The following MSN variants were observed in gnomAD, a reference collection of about 807,000 sequenced individuals.
MSN encodes epididymis luminal protein 70.
In MSN, 2 loss-of-function variants were observed where a neutral mutation model predicts 48.0. The ratio of observed to expected loss-of-function variants is 0.04; its 90% CI spans 0.02 to 0.13. The LOEUF is 0.13. Ranked by LOEUF, MSN falls within the 10% of genes least tolerant of loss-of-function variation. MSN has a pLI of 1.00. For synonymous variants in MSN, 146 were observed against 166.9 expected, an observed-to-expected ratio of 0.87 and a Z score of 0.97; for missense variants, 267 against 470.1, an observed-to-expected ratio of 0.57 and a Z score of 3.99.
chrX:65,593,432 A>G (rs1229758315), intron 1 of MSN: 2 of 112,643 alleles, frequency 1.8e-5, no homozygotes, highest in African/African-American at 6.5e-5. Flanking sequence ...AATATCCTTC[A>G]AAGTCTCCGT....
intron 1 of MSN, among the ~76,000 whole-genome samples, chrX:65,640,388 A>T (rs1273740519): frequency 3.6e-5 from 4 of 111,050 alleles, no homozygotes; most frequent in African/African-American, 1.3e-4. Flanking sequence ...AAAATAAATA[A>T]AAAAAAATTA....
At chrX:65,636,866 G>A (rs1409804565) in intron 1 of MSN, among the ~76,000 whole-genome samples, 3 of 102,370 alleles carry the variant, frequency 2.9e-5, no homozygotes, top group Non-Finnish European at 6.0e-5. Flanking sequence ...CGGATCACGA[G>A]GTCAGGAGAT....
chrX:65,731,056 C>T, intron 4 of MSN, 51 bp from the exon 5 acceptor site: 1 of 1,055,868 alleles, frequency 9.5e-7, no homozygotes, highest in Non-Finnish European at 1.3e-6. Context: ...CCCTTCTCTC[C>T]TGCACAGGGA....
chrX:65,629,069 C>CA (rs1246130053), intron 1 of MSN, among the ~76,000 whole-genome samples: 1,126 of 70,401 alleles, frequency 0.016, 4 homozygotes, highest in African/African-American at 0.029. Context: ...GACTCCATCT[C>CA]AAAAAAAAAA....
chrX:65,664,752 CTT>C (rs1406578094), upstream of MSN, among the ~76,000 whole-genome samples: 6 of 93,953 alleles, frequency 6.4e-5, no homozygotes, highest in Non-Finnish European at 6.4e-5. Flanking sequence ...TGCCCCCTTT[CTT>C]TTTTTTTTTT....
chrX:65,620,513 A>G (rs1480061350), intron 1 of MSN, among the ~76,000 whole-genome samples: 1 of 113,439 alleles, frequency 8.8e-6, no homozygotes, highest in Non-Finnish European at 1.9e-5. Flanking sequence ...CAGAAAGGGA[A>G]CTCCCTGACC....
intron 1 of MSN, among the ~76,000 whole-genome samples, chrX:65,689,153 T>G (rs1448021367): frequency 1.8e-5 from 2 of 111,819 alleles, no homozygotes; most frequent in Non-Finnish European, 3.8e-5. Context: ...TGCTCGTTTT[T>G]GGGCCATAGC....
At chrX:65,600,825 A>T (rs769467195) in intron 1 of MSN, 3 of 111,952 alleles carry the variant, frequency 2.7e-5, no homozygotes, top group Non-Finnish European at 3.8e-5. Flanking sequence ...AGAGACAGAG[A>T]TATGGAGTCC....
At chrX:65,661,872 A>C (rs2070826625) in intron 1 of MSN, among the ~76,000 whole-genome samples, 2 of 112,413 alleles carry the variant, frequency 1.8e-5, no homozygotes, top group Admixed American at 1.9e-4. Context: ...AAAATTAGCC[A>C]GGCATGGTGG....
chrX:65,737,408 C>G lies in MSN; in HGVS notation c.1251+70C>G. The G allele has an allele frequency of 3.6e-6, 4 of 1,106,904 alleles. No homozygotes were observed. The Admixed American group carries it at 1.2e-4, about 32-fold the overall frequency. 91.2% of individuals were successfully genotyped at this position (1,106,904 alleles called of 1,213,427 possible). On this transcript the variant is annotated intron_variant, in intron 10 of 12. Coordinates refer to ENST00000360270, the MANE Select transcript of MSN (RefSeq NM_002444.3). ...TCCTTGTCTGCCTACTTACTTATAGCTACTTTTGCTTACATGCTGGCTTTT... is the reference window on the plus strand; with the variant it reads ...TCCTTGTCTGCCTACTTACTTATAGGTACTTTTGCTTACATGCTGGCTTTT...
chrX:65,660,216 G>T (rs1371378396), intron 1 of MSN, among the ~76,000 whole-genome samples: 3 of 111,930 alleles, frequency 2.7e-5, no homozygotes, highest in Admixed American at 1.9e-4. Context: ...TTGGTGAAGT[G>T]GGGAGGAAGG....
intron 1 of MSN, among the ~76,000 whole-genome samples, chrX:65,603,649 G>A (rs778430706): frequency 8.9e-6 from 1 of 112,410 alleles, no homozygotes; most frequent in South Asian, 3.7e-4. Context: ...TGGCTACCAT[G>A]TTGGACAGGA....
At chrX:65,732,300 A>G (rs1181484031) in intron 6 of MSN, among the ~76,000 whole-genome samples, 1 of 112,275 alleles carries the variant, frequency 8.9e-6, no homozygotes. Context: ...GAAAAACAGA[A>G]CGTAAAATGT....
At chrX:65,674,141 G>A (rs927315639) in intron 1 of MSN, among the ~76,000 whole-genome samples, 3 of 111,595 alleles carry the variant, frequency 2.7e-5, no homozygotes, top group African/African-American at 6.5e-5. Flanking sequence ...GTGACGGGTG[G>A]TGGAAGGCAT....
upstream of MSN, among the ~76,000 whole-genome samples, chrX:65,663,433 C>A (rs1022052622): frequency 9.1e-6 from 1 of 110,497 alleles, no homozygotes; most frequent in Non-Finnish European, 1.9e-5. Flanking sequence ...GTCAGAATGA[C>A]TAGTATTAAA....
chrX:65,710,253 T>C (rs1431260002), intron 1 of MSN, among the ~76,000 whole-genome samples: 4 of 112,659 alleles, frequency 3.6e-5, no homozygotes, highest in Non-Finnish European at 1.9e-5. Context: ...TCTTCTATTA[T>C]GGCACTTTTC....
In MSN at chrX:65,741,662, A is replaced by T; in HGVS notation, c.*1769A>T. ...GCCACCACCCCCCACTCTGTGCCTG[A>T]CCTTGAGGAGTCTTGTGTGCATTGC... is the stretch of plus-strand genomic sequence containing the variant. On this transcript the variant is annotated 3_prime_UTR_variant, in exon 13 of 13. Coordinates refer to ENST00000360270, the MANE Select transcript of MSN (RefSeq NM_002444.3). The T allele has an allele frequency of 5.9e-6, 1 of 170,240 alleles. No homozygotes were observed. Among genetic ancestry groups the T allele is most frequent in the Non-Finnish European group, 1.1e-5 (1 of 88,418 alleles). The allele number at this position is 170,240 out of a possible 1,213,427, so 14.0% of individuals were successfully genotyped here. A position where few individuals can be genotyped will look rare whatever the true frequency, so the allele number is the denominator to read the frequency against.
chrX:65,662,502 A>C (rs1196407823), intron 1 of MSN, among the ~76,000 whole-genome samples: 2 of 112,215 alleles, frequency 1.8e-5, no homozygotes, highest in Admixed American at 9.5e-5. Context: ...TAACCATCTG[A>C]TCTTTGACGA....
At position 65,731,102 on chromosome X, in the gene MSN, T is replaced by G. The variant is rs1470174965; in HGVS notation, c.468-5T>G. 8.3e-7 allele frequency: 1 copy of G among 1,198,440 alleles called. No individual in the cohort carries two copies. The highest frequency in any genetic ancestry group is 1.8e-5 in the African/African-American group (1 of 56,953). On this transcript the variant is annotated splice_region_variant and splice_polypyrimidine_tract_variant and intron_variant, in intron 4 of 12. Coordinates refer to ENST00000360270, the MANE Select transcript of MSN (RefSeq NM_002444.3). The stretch of plus-strand genomic sequence containing the variant: ...TAAACTACTCATCACCCATTGTCTT[T>G]CCAGAGTCCTGGAACAGCACAAACT...
Sources: gnomAD v4.1 joint callset for allele counts (sites outside exome capture counted in the v4.1 genomes callset) on GRCh38, gnomAD v4.1.1 for gene constraint, MANE v1.5 for transcripts, NCBI Gene and HGNC (gene_info 2026-07-23, HGNC 2026-07-21) for gene names.